The following CD109 variants were observed in gnomAD, a reference collection of about 807,000 sequenced individuals.
The protein encoded by CD109 is CD109 molecule.
In CD109, 149 loss-of-function variants were observed where a neutral mutation model predicts 165.8. That is an observed-to-expected ratio of 0.90 (90% confidence interval 0.79 to 1.03). The LOEUF is 1.03. CD109 is among the 50% of genes least tolerant of loss of function. CD109 has a pLI of 0.00. For missense variants in CD109, 1,712 were observed against 1,677.8 expected (o/e 1.02, Z -0.36); for synonymous variants, 585 against 592.1 (o/e 0.99, Z 0.18).
chr6:73,721,956 T>C (rs1476484529), intron 2 of CD109, among the ~76,000 whole-genome samples: 1 of 152,106 alleles, frequency 6.6e-6, no homozygotes, highest in Non-Finnish European at 1.5e-5. Flanking sequence ...GGCTGGTCTC[T>C]AACTCCTGAC....
intron 6 of CD109, among the ~76,000 whole-genome samples, chr6:73,758,435 G>A (rs1773483391): frequency 1.3e-5 from 2 of 152,106 alleles, no homozygotes. Flanking sequence ...ACTCAGGCTG[G>A]AGTGCAGTGG....
the CD109 span, among the ~76,000 whole-genome samples, chr6:73,682,915 C>T: frequency 1.3e-5 from 2 of 152,180 alleles, no homozygotes; most frequent in South Asian, 4.1e-4. Context: ...GTGGCTGGGA[C>T]ACAGGGCACC....
At chr6:73,806,321 T>C (rs970686109) in intron 24 of CD109, among the ~76,000 whole-genome samples, 5 of 151,088 alleles carry the variant, frequency 3.3e-5, no homozygotes, top group African/African-American at 4.9e-5. Context: ...ATGAGAACAC[T>C]TGGACACAGG....
intron 23 of CD109, among the ~76,000 whole-genome samples, chr6:73,800,926 T>G (rs1775339702): frequency 6.6e-6 from 1 of 152,216 alleles, no homozygotes; most frequent in African/African-American, 2.4e-5. Flanking sequence ...TGTTAAGCCT[T>G]GCTTATAGTG....
intron 5 of CD109, among the ~76,000 whole-genome samples, chr6:73,750,938 T>C (rs746776251): frequency 7.2e-6 from 1 of 139,248 alleles, no homozygotes; most frequent in Non-Finnish European, 1.5e-5. Context: ...GGTCCTGTCA[T>C]GTTCGGTTAC....
intron 15 of CD109, among the ~76,000 whole-genome samples, chr6:73,775,391 A>T (rs1413146468): frequency 1.3e-5 from 2 of 152,066 alleles, no homozygotes; most frequent in Non-Finnish European, 2.9e-5. Flanking sequence ...TATATCTCTC[A>T]TGTTGTAGAT....
intron 8 of CD109, 39 bp from the exon 9 acceptor site, chr6:73,762,702 C>G (rs775911828): frequency 2.0e-6 from 3 of 1,525,538 alleles, no homozygotes; most frequent in Non-Finnish European, 2.7e-6. Context: ...ATTTGAATTG[C>G]TAAAATGGTA....
chr6:73,697,090 G>A (rs1770869521), intron 1 of CD109, among the ~76,000 whole-genome samples: 1 of 152,188 alleles, frequency 6.6e-6, no homozygotes, highest in African/African-American at 2.4e-5. Context: ...ACTCCATTAT[G>A]CCCCGGTGCA....
chr6:73,766,861 G>A lies in CD109; in HGVS notation c.1434+1G>A. The A allele has an allele frequency of 6.2e-7, 1 of 1,609,178 alleles. No individual in the cohort carries two copies. The highest frequency in any genetic ancestry group is 8.5e-7 in the Non-Finnish European group (1 of 1,176,056). On this transcript the variant is annotated splice_donor_variant, in intron 12 of 32. Transcript: ENST00000287097. LOFTEE classifies it high-confidence loss of function. ...AAAAACAAGAGATGAAAATATAAAGGTAATGCTTACAATTCACTTGAGAAT... is the reference window on the plus strand; with the variant it reads ...AAAAACAAGAGATGAAAATATAAAGATAATGCTTACAATTCACTTGAGAAT...
intron 2 of CD109, among the ~76,000 whole-genome samples, chr6:73,717,220 T>TC (rs1771773810): frequency 1.5e-5 from 1 of 68,918 alleles, no homozygotes; most frequent in South Asian, 3.4e-4. Flanking sequence ...TGATTCCTCC[T>TC]TTTTTTTTTT....
chr6:73,792,989 T>G (rs1775030968), intron 23 of CD109, among the ~76,000 whole-genome samples, 187 bp downstream of exon 23: 2 of 152,224 alleles, frequency 1.3e-5, no homozygotes, highest in Non-Finnish European at 2.9e-5. Flanking sequence ...TAGCTAACTA[T>G]TCACTCACTG....
At position 73,825,171 on chromosome 6, in the gene CD109, T is replaced by C. The variant is rs1776232307; in HGVS notation, c.*1538T>C. On this transcript the variant is annotated 3_prime_UTR_variant, in exon 33 of 33. Coordinates refer to ENST00000287097, the MANE Select transcript of CD109 (RefSeq NM_133493.5). ...GATATTTTGGATACCAAAGTAGGAA[T>C]AACTGACATTCAGTATTTTAAAGCT... is the stretch of plus-strand genomic sequence containing the variant. The C allele has an allele frequency of 6.6e-6, 1 of 152,238 alleles. No homozygotes were observed. Among genetic ancestry groups the C allele is most frequent in the African/African-American group, 2.4e-5 (1 of 41,470 alleles). 9.4% of individuals were successfully genotyped at this position (152,238 alleles called of 1,614,324 possible). A position where few individuals can be genotyped will look rare whatever the true frequency, so the allele number is the denominator to read the frequency against.
chr6:73,779,253 C>CT (rs36008384), intron 15 of CD109, among the ~76,000 whole-genome samples: 85,923 of 144,018 alleles, frequency 0.6, 26,268 homozygotes, highest in East Asian at 0.84. Context: ...AGCTTCATTT[C>CT]TTTTTTTTTT....
chr6:73,824,233 A>T lies in CD109; in HGVS notation c.*600A>T, dbSNP rs988634519. 6.6e-6 allele frequency: 1 copy of T among 151,834 alleles called. No homozygotes were observed. The highest frequency in any genetic ancestry group is 2.4e-5 in the African/African-American group (1 of 41,300). 9.4% of individuals were successfully genotyped at this position (151,834 alleles called of 1,614,324 possible). On this transcript the variant is annotated 3_prime_UTR_variant, in exon 33 of 33. Coordinates refer to ENST00000287097, the MANE Select transcript of CD109 (RefSeq NM_133493.5). ...TGCTTGAAATCTGATCACACCCCCC[A>T]GCCATTGCCCTCCCTCTCTTTTTCC... is the stretch of plus-strand genomic sequence containing the variant.
At chr6:73,766,249 T>C (rs943487978) in intron 11 of CD109, 95 bp downstream of exon 11, 1 of 924,032 alleles carries the variant, frequency 1.1e-6, no homozygotes, top group Admixed American at 2.3e-5. Flanking sequence ...TGAAAGTACA[T>C]AGGAAGTGGA....
At chr6:73,695,872 G>A (rs1196158458), upstream of CD109, 1 of 349,458 alleles carries the variant, frequency 2.9e-6, no homozygotes, top group Non-Finnish European at 5.4e-6. Flanking sequence ...AACAGCCTGA[G>A]GAACCCGGTG....
chr6:73,803,262 T>C lies in CD109; in HGVS notation c.2921T>C (p.Phe974Ser), dbSNP rs1562078995. 3 of 1,611,396 alleles carry C rather than the reference T, an allele frequency of 1.9e-6. No individual in the cohort carries two copies. The highest frequency in any genetic ancestry group is 2.2e-5 in the South Asian group (2 of 90,098). The change falls in exon 24 of 33, where the codon TTC (phenylalanine) becomes TCC (serine). Residue 974 changes from phenylalanine to serine, a missense_variant. Coordinates refer to ENST00000287097, the MANE Select transcript of CD109 (RefSeq NM_133493.5). ...CTCTATCAGAGGGAAGATGGCTCTTTCAGTGCTTTTGGGAATTATGACCCT... is the reference window on the plus strand; with the variant it reads ...CTCTATCAGAGGGAAGATGGCTCTTCCAGTGCTTTTGGGAATTATGACCCT... Reference protein sequence around the residue: ...ELLYQREDGSFSAFGNYDPSG... With the variant: ...ELLYQREDGSSSAFGNYDPSG...
intron 27 of CD109, 92 bp downstream of exon 27, chr6:73,810,266 TATATAAATCATATG>T: frequency 1.5e-5 from 5 of 337,936 alleles, no homozygotes; most frequent in Non-Finnish European, 1.9e-5. Flanking sequence ...TAGTATATAT[TATATAAATCATATG>T]TTATATATAA....
At chr6:73,767,956 A>C (rs531600922) in intron 13 of CD109, 99 bp from the exon 14 acceptor site, 1 of 998,512 alleles carries the variant, frequency 1.0e-6, no homozygotes, top group African/African-American at 1.6e-5. Context: ...GGTTTAATTC[A>C]AGAATTTGTG....
Sources: allele counts gnomAD v4.1 joint callset (sites outside exome capture counted in the v4.1 genomes callset), GRCh38; gene constraint gnomAD v4.1.1; transcripts MANE v1.5; gene names NCBI Gene and HGNC (gene_info 2026-07-23, HGNC 2026-07-21).